Variants in HLF observed in about 807,000 individuals in gnomAD.
HLF encodes HLF transcription factor, PAR bZIP family member.
Under a neutral mutation model 22.6 loss-of-function variants are expected in HLF, and 3 were observed. The observed-to-expected ratio is 0.13, with a 90% confidence interval of 0.06 to 0.34. HLF has a LOEUF of 0.34. Among genes scored for constraint, HLF ranks in the 10% least tolerant of loss-of-function variants. The pLI is 1.00. For synonymous variants in HLF, 151 were observed against 151.8 expected (o/e 0.99, Z 0.04); for missense variants, 299 against 389.2 (o/e 0.77, Z 1.95).
intron 2 of HLF, among the ~76,000 whole-genome samples, chr17:55,303,471 T>C (rs2145352918): frequency 6.6e-6 from 1 of 152,224 alleles, no homozygotes; most frequent in Admixed American, 6.5e-5. Context: ...TGGGATGGAG[T>C]GAGAAGCATG....
At chr17:55,289,868 T>C (rs547894101) in intron 2 of HLF, among the ~76,000 whole-genome samples, 7 of 152,288 alleles carry the variant, frequency 4.6e-5, no homozygotes, top group Admixed American at 3.9e-4. Flanking sequence ...CCTAGCACTT[T>C]GCATTCATTG....
chr17:55,265,869 G>A lies in HLF; in HGVS notation c.115+270G>A, dbSNP rs537166489. 2.3e-5 allele frequency: 28 copies of A among 1,227,356 alleles called. 1 individual carries two copies. The South Asian group carries it at 5.9e-4, about 26-fold the overall frequency. The allele number at this position is 1,227,356 out of a possible 1,614,324, so 76.0% of individuals were successfully genotyped here. A position where few individuals can be genotyped will look rare whatever the true frequency, so the allele number is the denominator to read the frequency against. On this transcript the variant is annotated intron_variant, in intron 1 of 3. Transcript: ENST00000226067. ...GGGTCCCGCTCCTGCGGCGCGGGTG[G>A]GAGGTGTAACTTGACAGGTCAGGAT...
intron 2 of HLF, among the ~76,000 whole-genome samples, chr17:55,293,327 G>A (rs2081083111): frequency 6.6e-6 from 1 of 152,186 alleles, no homozygotes; most frequent in Admixed American, 6.5e-5. Context: ...ATTACATGTG[G>A]CAGCTGGACT....
intron 2 of HLF, among the ~76,000 whole-genome samples, chr17:55,286,525 A>G (rs1012271411): frequency 1.1e-4 from 17 of 152,090 alleles, no homozygotes; most frequent in Admixed American, 7.9e-4. Flanking sequence ...CTGAAGCTTG[A>G]CTTGCTTTTG....
chr17:55,285,405 A>G (rs1287354380), intron 2 of HLF, among the ~76,000 whole-genome samples: 3 of 152,118 alleles, frequency 2.0e-5, no homozygotes, highest in Non-Finnish European at 4.4e-5. Context: ...CTTAAGCAGC[A>G]TTCCCCTGAG....
At position 55,323,788 on chromosome 17, in the gene HLF, C is replaced by T. The variant is rs1905352874; in HGVS notation, c.*2909C>T. The T allele has an allele frequency of 4.3e-6, 1 of 230,812 alleles. No individual in the cohort carries two copies. Among genetic ancestry groups the T allele is most frequent in the Non-Finnish European group, 8.6e-6 (1 of 116,236 alleles). 14.3% of individuals were successfully genotyped at this position (230,812 alleles called of 1,614,324 possible). A position where few individuals can be genotyped will look rare whatever the true frequency, so the allele number is the denominator to read the frequency against. Reference sequence around the variant, plus strand: ...CCGGAGTCAGACGCATGTCTGCACGCTGCAGCTATTATGAGAGTCCCTTTG... The same window carrying T: ...CCGGAGTCAGACGCATGTCTGCACGTTGCAGCTATTATGAGAGTCCCTTTG... On this transcript the variant is annotated 3_prime_UTR_variant, in exon 4 of 4. Coordinates refer to ENST00000226067, the MANE Select transcript of HLF (RefSeq NM_002126.5).
At chr17:55,300,573 C>G (rs1334433437) in intron 2 of HLF, among the ~76,000 whole-genome samples, 1 of 152,190 alleles carries the variant, frequency 6.6e-6, no homozygotes, top group Non-Finnish European at 1.5e-5. Context: ...CCACAATATT[C>G]CCTATTTCAG....
chr17:55,306,445 G>T (rs1473019221), intron 2 of HLF, among the ~76,000 whole-genome samples: 1 of 151,824 alleles, frequency 6.6e-6, no homozygotes, highest in East Asian at 1.9e-4. Flanking sequence ...GAGATCAAAG[G>T]GATCTTTACA....
At chr17:55,314,651 C>A (rs1904991825) in intron 2 of HLF, among the ~76,000 whole-genome samples, 1 of 152,204 alleles carries the variant, frequency 6.6e-6, no homozygotes, top group Non-Finnish European at 1.5e-5. Flanking sequence ...AAAATGCAAA[C>A]CTCTGTCTTG....
chr17:55,323,816 AT>A lies in HLF; in HGVS notation c.*2942del. The stretch of plus-strand genomic sequence containing the variant: ...CAGCTATTATGAGAGTCCCTTTGTC[AT>A]TTTTCACCTTTTCATCCTAAGCATC... On this transcript the variant is annotated 3_prime_UTR_variant, in exon 4 of 4. Transcript: ENST00000226067. 4.3e-6 allele frequency: 1 copy of A among 230,168 alleles called. No homozygotes were observed. The highest frequency in any genetic ancestry group is 8.6e-6 in the Non-Finnish European group (1 of 116,004). 14.3% of individuals were successfully genotyped at this position (230,168 alleles called of 1,614,324 possible).
rs562909522 is a variant in HLF at position 55,324,085 on chromosome 17, G to A, written c.*3206G>A. 1 of 228,090 alleles carries A rather than the reference G, an allele frequency of 4.4e-6. No individual in the cohort carries two copies. Among genetic ancestry groups the A allele is most frequent in the Admixed American group, 5.7e-5 (1 of 17,584 alleles). The allele number at this position is 228,090 out of a possible 1,614,324, so 14.1% of individuals were successfully genotyped here. The stretch of plus-strand genomic sequence containing the variant: ...ATCATTACTTCTTTCTCTTCAGGAA[G>A]TGGCCACTTTGAACCATTCAAATAC... On this transcript the variant is annotated 3_prime_UTR_variant, in exon 4 of 4. Transcript: ENST00000226067.
chr17:55,290,844 T>C (rs1331627152), intron 2 of HLF, among the ~76,000 whole-genome samples: 3 of 152,202 alleles, frequency 2.0e-5, no homozygotes, highest in African/African-American at 7.2e-5. Flanking sequence ...GGAAAAGTTC[T>C]TGAAGGAAAT....
At chr17:55,297,652 G>C (rs2081121443) in intron 2 of HLF, among the ~76,000 whole-genome samples, 1 of 150,720 alleles carries the variant, frequency 6.6e-6, no homozygotes, top group Non-Finnish European at 1.5e-5. Context: ...TGTCCCCTGA[G>C]CAGCTGTAAG....
Position 55,321,161 on chromosome 17 carries a change from A to C in HLF, c.*282A>C. On this transcript the variant is annotated 3_prime_UTR_variant, in exon 4 of 4. Coordinates refer to ENST00000226067, the MANE Select transcript of HLF (RefSeq NM_002126.5). ...CAACAAAGAAAGGTGCCATGTCTTTACTAGACTGAGGAGCCCTCTCGCGGG... is the reference window on the plus strand; with the variant it reads ...CAACAAAGAAAGGTGCCATGTCTTTCCTAGACTGAGGAGCCCTCTCGCGGG... 1 of 396,522 alleles carries C rather than the reference A, an allele frequency of 2.5e-6. No homozygotes were observed. Among genetic ancestry groups the C allele is most frequent in the Non-Finnish European group, 4.7e-6 (1 of 214,858 alleles). The allele number at this position is 396,522 out of a possible 1,614,324, so 24.6% of individuals were successfully genotyped here.
At chr17:55,313,359 C>CGTGTGTGTGTGT (rs58593405) in intron 2 of HLF, among the ~76,000 whole-genome samples, 11 of 147,244 alleles carry the variant, frequency 7.5e-5, no homozygotes, top group South Asian at 4.4e-4. Flanking sequence ...GAGGTGTGTG[C>CGTGTGTGTGTGT]GTGTGTGTGT....
chr17:55,286,316 C>T (rs559048827), intron 2 of HLF, among the ~76,000 whole-genome samples: 8 of 151,914 alleles, frequency 5.3e-5, no homozygotes, highest in South Asian at 2.1e-4. Flanking sequence ...CTTTACCTCT[C>T]GATAGTACCC....
intron 2 of HLF, among the ~76,000 whole-genome samples, chr17:55,281,493 A>G (rs1304075601): frequency 6.6e-6 from 1 of 152,220 alleles, no homozygotes; most frequent in African/African-American, 2.4e-5. Flanking sequence ...AGCCTGGGCA[A>G]CAAGAGCAAA....
chr17:55,279,401 G>T (rs2080933055), intron 2 of HLF, among the ~76,000 whole-genome samples: 2 of 152,006 alleles, frequency 1.3e-5, no homozygotes, highest in Non-Finnish European at 2.9e-5. Context: ...ATCTTGAATT[G>T]GTTAAACTAA....
intron 2 of HLF, among the ~76,000 whole-genome samples, chr17:55,295,300 G>C (rs1167533440): frequency 2.0e-5 from 3 of 152,120 alleles, no homozygotes; most frequent in Admixed American, 2.0e-4. Context: ...AGTTTTTCTT[G>C]GCTGATACTA....
Sources: gnomAD v4.1 joint callset for allele counts (sites outside exome capture counted in the v4.1 genomes callset) on GRCh38, gnomAD v4.1.1 for gene constraint, MANE v1.5 for transcripts, NCBI Gene and HGNC (gene_info 2026-07-23, HGNC 2026-07-21) for gene names.